COLEC12: variants seen among roughly 807,000 people sequenced by gnomAD.
The protein encoded by COLEC12 is collectin-12.
Under a neutral mutation model 71.1 loss-of-function variants are expected in COLEC12, and 33 were observed. The observed-to-expected ratio is 0.46, with a 90% confidence interval of 0.35 to 0.62. The LOEUF is 0.62. Ranked by LOEUF, COLEC12 falls within the 20% of genes least tolerant of loss-of-function variation. COLEC12 has a pLI of 0.00. For missense variants in COLEC12, 765 were observed against 916.1 expected (o/e 0.84, Z 2.13); for synonymous variants, 350 against 353.0 (o/e 0.99, Z 0.10).
At chr18:428,449 C>T (rs895831873) in intron 2 of COLEC12, among the ~76,000 whole-genome samples, 1 of 152,056 alleles carries the variant, frequency 6.6e-6, no homozygotes, top group Non-Finnish European at 1.5e-5. Flanking sequence ...AAAAGTAGTG[C>T]TAAGTGATTA....
At chr18:369,864 T>C (rs1914962470) in intron 2 of COLEC12, among the ~76,000 whole-genome samples, 1 of 152,062 alleles carries the variant, frequency 6.6e-6, no homozygotes. Context: ...GGAGCCCTGG[T>C]GAATCAGCCT....
At chr18:367,762 A>T (rs1213335566) in intron 2 of COLEC12, among the ~76,000 whole-genome samples, 2 of 152,176 alleles carry the variant, frequency 1.3e-5, no homozygotes, top group Non-Finnish European at 2.9e-5. Flanking sequence ...CGGAATGACG[A>T]CCATCCCTGT....
chr18:398,620 CA>C (rs1915617898), intron 2 of COLEC12, among the ~76,000 whole-genome samples: 1 of 152,196 alleles, frequency 6.6e-6, no homozygotes, highest in Non-Finnish European at 1.5e-5. Context: ...GGGCCAGTCA[CA>C]GGGAAATCTC....
chr18:491,429 A>G (rs1598382060), intron 1 of COLEC12, among the ~76,000 whole-genome samples: 1 of 152,234 alleles, frequency 6.6e-6, no homozygotes, highest in Admixed American at 6.5e-5. Flanking sequence ...TCTGCCTCTC[A>G]GTCTCCTATA....
intron 2 of COLEC12, among the ~76,000 whole-genome samples, chr18:365,797 C>T (rs945333941): frequency 1.3e-5 from 2 of 152,178 alleles, no homozygotes; most frequent in Admixed American, 6.5e-5. Flanking sequence ...CAGTTGCTCC[C>T]GCACCCTCTG....
At chr18:418,903 C>G (rs1157432174) in intron 2 of COLEC12, among the ~76,000 whole-genome samples, 6 of 152,204 alleles carry the variant, frequency 3.9e-5, no homozygotes, top group African/African-American at 1.4e-4. Context: ...TCACTTTACA[C>G]TGAGGACTCG....
intron 2 of COLEC12, among the ~76,000 whole-genome samples, chr18:439,661 TG>T (rs1266794474): frequency 2.0e-5 from 3 of 152,098 alleles, no homozygotes; most frequent in Non-Finnish European, 4.4e-5. Flanking sequence ...CATGTTAGAA[TG>T]GCTGTTATAA....
intron 1 of COLEC12, among the ~76,000 whole-genome samples, chr18:499,830 G>A (rs540598918): frequency 6.6e-6 from 1 of 152,304 alleles, no homozygotes; most frequent in Non-Finnish European, 1.5e-5. Flanking sequence ...ACCGCGCAGG[G>A]GGCGACTAAC....
At chr18:324,485 A>AACACACAC (rs56732220) in intron 8 of COLEC12, among the ~76,000 whole-genome samples, 1 of 151,500 alleles carries the variant, frequency 6.6e-6, no homozygotes, top group African/African-American at 2.4e-5. Context: ...GTAAGCTGGA[A>AACACACAC]ACACACACAC....
intron 1 of COLEC12, among the ~76,000 whole-genome samples, chr18:499,277 C>G (rs1018155897): frequency 4.6e-5 from 7 of 152,170 alleles, no homozygotes; most frequent in African/African-American, 1.7e-4. Context: ...TTCCCTGGGG[C>G]AGACCACTTT....
chr18:394,918 AAAAAC>A (rs540665948), intron 2 of COLEC12, among the ~76,000 whole-genome samples: 8 of 152,352 alleles, frequency 5.3e-5, no homozygotes, highest in Non-Finnish European at 7.4e-5. Flanking sequence ...CCAACTCAGT[AAAAAC>A]AAAACAAAAC....
intron 2 of COLEC12, among the ~76,000 whole-genome samples, chr18:397,476 G>T (rs939701584): frequency 1.3e-5 from 2 of 152,156 alleles, no homozygotes; most frequent in Non-Finnish European, 2.9e-5. Flanking sequence ...GTCCTAGTTA[G>T]ATTTTTATAA....
At chr18:339,097 G>C (rs1914185736) in intron 5 of COLEC12, among the ~76,000 whole-genome samples, 1 of 151,548 alleles carries the variant, frequency 6.6e-6, no homozygotes. Context: ...CCATGAAAGA[G>C]GGACTGATCA....
At chr18:434,761 C>G (rs1916371005) in intron 2 of COLEC12, among the ~76,000 whole-genome samples, 2 of 152,242 alleles carry the variant, frequency 1.3e-5, no homozygotes, top group South Asian at 4.1e-4. Context: ...GCTGAACATA[C>G]AGTGGCTCTT....
intron 2 of COLEC12, among the ~76,000 whole-genome samples, chr18:461,031 C>T (rs1356756575): frequency 1.3e-5 from 2 of 152,186 alleles, no homozygotes; most frequent in East Asian, 1.9e-4. Context: ...TTTGACTCAC[C>T]TTCTCACTCA....
intron 2 of COLEC12, among the ~76,000 whole-genome samples, chr18:358,714 T>C (rs1034363720): frequency 6.6e-6 from 1 of 152,056 alleles, no homozygotes; most frequent in Non-Finnish European, 1.5e-5. Context: ...GCCCTGGGGG[T>C]TGGGGACCTC....
intron 5 of COLEC12, 139 bp from the exon 6 acceptor site, chr18:335,369 A>G (rs1291513703): frequency 3.3e-6 from 3 of 911,778 alleles, no homozygotes; most frequent in East Asian, 2.8e-5. Flanking sequence ...CCATCTGTTT[A>G]TCATACTACT....
At chr18:473,063 T>A (rs1917233287) in intron 2 of COLEC12, among the ~76,000 whole-genome samples, 1 of 152,140 alleles carries the variant, frequency 6.6e-6, no homozygotes, top group Admixed American at 6.5e-5. Context: ...CTCCAAAGAA[T>A]ACACACTATA....
chr18:347,095 C>A lies in COLEC12; in HGVS notation c.527G>T (p.Gly176Val). 1 of 1,614,170 alleles carries A rather than the reference C, an allele frequency of 6.2e-7. No homozygotes were observed. The highest frequency in any genetic ancestry group is 8.5e-7 in the Non-Finnish European group (1 of 1,180,032). ...ATCTTGCTGCAGATTCGTGACATAG[C>A]CATTATACGCCTGGAGGGTTTTGTT... ...TVNKTLQAYN[G>V]YVTNLQQDTS... The change falls in exon 5 of 10, where the codon GGC (glycine) becomes GTC (valine). Residue 176 changes from glycine to valine, a missense_variant. Transcript: ENST00000400256.
Sources: allele counts gnomAD v4.1 joint callset (sites outside exome capture counted in the v4.1 genomes callset), GRCh38; gene constraint gnomAD v4.1.1; transcripts MANE v1.5; gene names NCBI Gene and HGNC (gene_info 2026-07-23, HGNC 2026-07-21).